Variants in GYPE observed in about 807,000 individuals in gnomAD.
The protein encoded by GYPE is glycophorin-E.
In GYPE, 8 loss-of-function variants were observed where a neutral mutation model predicts 11.6. The ratio of observed to expected loss-of-function variants is 0.69; its 90% CI spans 0.41 to 1.25. The LOEUF (loss-of-function observed/expected upper bound fraction) is 1.25, where lower values mean the gene tolerates loss of function less well. Ranked by LOEUF, GYPE falls within the 50% of genes most tolerant of loss-of-function variation. GYPE has a pLI of 0.01. For synonymous variants in GYPE, 28 were observed against 29.6 expected (o/e 0.94, Z 0.18); for missense variants, 90 against 92.8 (o/e 0.97, Z 0.12).
intron 2 of GYPE, chr4:143,878,616 T>A (rs1743899012): frequency 4.2e-6 from 2 of 472,196 alleles, no homozygotes; most frequent in South Asian, 3.1e-5. Context: ...ATGATTTTGA[T>A]TCTTTGTCAA....
chr4:143,902,589 TTTCC>T (rs934551496), intron 1 of GYPE, among the ~76,000 whole-genome samples: 9 of 152,084 alleles, frequency 5.9e-5, no homozygotes, highest in South Asian at 4.2e-4. Flanking sequence ...TCCTCTCTTC[TTTCC>T]TTCCTTTTTC....
At position 143,880,582 on chromosome 4, in the gene GYPE, G is replaced by A. The variant is rs994873980; in HGVS notation, c.38-73C>T. On this transcript the variant is annotated intron_variant, in intron 1 of 3. Coordinates refer to ENST00000358615, the MANE Select transcript of GYPE (RefSeq NM_198682.3). ...GCGGACCATAAAGCATATCACAAAA[G>A]ACAAATTCCCTCACATCCCTCCAGT... is the stretch of plus-strand genomic sequence containing the variant. The A allele has an allele frequency of 3.1e-6, 5 of 1,610,234 alleles. No individual in the cohort carries two copies. In the African/African-American group the frequency reaches 6.7e-5, roughly 22 times the overall value.
At chr4:143,881,477 T>G (rs1744021284) in intron 1 of GYPE, among the ~76,000 whole-genome samples, 2 of 152,100 alleles carry the variant, frequency 1.3e-5, no homozygotes, top group South Asian at 4.2e-4. Flanking sequence ...GGTTGAACAT[T>G]TGACACATTT....
chr4:143,890,640 T>C (rs1744369128), intron 1 of GYPE, among the ~76,000 whole-genome samples: 1 of 152,206 alleles, frequency 6.6e-6, no homozygotes, highest in Non-Finnish European at 1.5e-5. Flanking sequence ...GATTAATATA[T>C]GTAAACTTCA....
rs574121148 is a variant in GYPE, at chr4:143,871,306, G to A, written c.*956C>T. 3.9e-5 allele frequency: 6 copies of A among 152,110 alleles called. No individual in the cohort carries two copies. Among genetic ancestry groups the A allele is most frequent in the South Asian group, 2.1e-4 (1 of 4,802 alleles). 9.4% of individuals were successfully genotyped at this position (152,110 alleles called of 1,614,324 possible). A position where few individuals can be genotyped will look rare whatever the true frequency, so the allele number is the denominator to read the frequency against. On this transcript the variant is annotated 3_prime_UTR_variant, in exon 4 of 4. Coordinates refer to ENST00000358615, the MANE Select transcript of GYPE (RefSeq NM_198682.3). ...TAAATCCTGGTGTTTTTATGGTTAC[G>A]GGTGGCATATAATATACAGGTAAGC...
At chr4:143,878,671 C>T (rs573190197) in intron 2 of GYPE, 2 of 490,862 alleles carry the variant, frequency 4.1e-6, no homozygotes, top group African/African-American at 4.0e-5. Context: ...AAGTTGTCCC[C>T]TTTCTCCTAT....
intron 1 of GYPE, among the ~76,000 whole-genome samples, chr4:143,894,445 C>A (rs1324639803): frequency 6.6e-6 from 1 of 151,700 alleles, no homozygotes; most frequent in Non-Finnish European, 1.5e-5. Context: ...GTGGTTTTAT[C>A]TACTTTTGGT....
chr4:143,904,977 T>C (rs553458635), intron 1 of GYPE, among the ~76,000 whole-genome samples: 1 of 152,256 alleles, frequency 6.6e-6, no homozygotes, highest in African/African-American at 2.4e-5. Flanking sequence ...TCTTCCTATG[T>C]GACACTTTAG....
At chr4:143,898,316 G>T (rs1344434575) in intron 1 of GYPE, among the ~76,000 whole-genome samples, 1 of 152,180 alleles carries the variant, frequency 6.6e-6, no homozygotes, top group Non-Finnish European at 1.5e-5. Context: ...GGCAGAGGTT[G>T]CAGTGAGCTG....
intron 1 of GYPE, among the ~76,000 whole-genome samples, chr4:143,903,030 T>C (rs904520440): frequency 1.2e-4 from 18 of 151,870 alleles, no homozygotes; most frequent in Non-Finnish European, 2.5e-4. Flanking sequence ...CCCTCTGCCT[T>C]CTGTCCTCTT....
chr4:143,885,389 T>G (rs2323423), intron 1 of GYPE, among the ~76,000 whole-genome samples: 5 of 152,168 alleles, frequency 3.3e-5, no homozygotes, highest in South Asian at 2.1e-4. Context: ...CAAAACAATT[T>G]TAACACTCTA....
intron 2 of GYPE, among the ~76,000 whole-genome samples, chr4:143,879,496 A>C (rs1460917012): frequency 6.6e-6 from 1 of 152,106 alleles, no homozygotes; most frequent in African/African-American, 2.4e-5. Flanking sequence ...TTGGAGTAAA[A>C]CAGATGGGTT....
intron 1 of GYPE, among the ~76,000 whole-genome samples, chr4:143,882,252 T>C (rs1371285817): frequency 1.3e-5 from 2 of 151,580 alleles, no homozygotes; most frequent in African/African-American, 2.4e-5. Context: ...TAAGATAATA[T>C]AAAAACCAAT....
At chr4:143,902,220 A>G (rs4630996) in intron 1 of GYPE, among the ~76,000 whole-genome samples, 141,932 of 151,358 alleles carry the variant, frequency 0.94, 67,291 homozygotes, top group East Asian at 1. Flanking sequence ...ACACATAAGC[A>G]AAGACACAGG....
At chr4:143,882,524 G>T (rs1488573565) in intron 1 of GYPE, among the ~76,000 whole-genome samples, 1 of 152,096 alleles carries the variant, frequency 6.6e-6, no homozygotes, top group African/African-American at 2.4e-5. Flanking sequence ...AAAGTGTTAT[G>T]AAAATAGCTA....
intron 1 of GYPE, among the ~76,000 whole-genome samples, chr4:143,883,077 A>G (rs1744097916): frequency 6.6e-6 from 1 of 152,108 alleles, no homozygotes; most frequent in Admixed American, 6.5e-5. Context: ...TAATTGAATC[A>G]TGGGGCTGGT....
chr4:143,872,156 C>T lies in GYPE; in HGVS notation c.*106G>A, dbSNP rs1435971407. ...TCAACGTAAGCCAAGTTAGTAGCTACAGCCGTCAGGCACACAATTACACCA... is the reference window on the plus strand; with the variant it reads ...TCAACGTAAGCCAAGTTAGTAGCTATAGCCGTCAGGCACACAATTACACCA... On this transcript the variant is annotated 3_prime_UTR_variant, in exon 4 of 4. Transcript: ENST00000358615. The T allele has an allele frequency of 6.6e-6, 1 of 152,566 alleles. No individual in the cohort carries two copies. Among genetic ancestry groups the T allele is most frequent in the African/African-American group, 2.4e-5 (1 of 41,430 alleles). The allele number at this position is 152,566 out of a possible 1,614,324, so 9.5% of individuals were successfully genotyped here. A position where few individuals can be genotyped will look rare whatever the true frequency, so the allele number is the denominator to read the frequency against.
chr4:143,880,918 T>G (rs1265347755), intron 1 of GYPE, among the ~76,000 whole-genome samples: 1 of 125,050 alleles, frequency 8.0e-6, no homozygotes, highest in Admixed American at 8.0e-5. Flanking sequence ...TGGGTATTAT[T>G]GTTATTATGC....
chr4:143,879,996 G>A (rs1436592209), intron 2 of GYPE, among the ~76,000 whole-genome samples: 1 of 152,028 alleles, frequency 6.6e-6, no homozygotes, highest in Non-Finnish European at 1.5e-5. Flanking sequence ...CTGTGTTATT[G>A]GCCCCATTTT....
Sources: gnomAD v4.1 joint callset for allele counts (sites outside exome capture counted in the v4.1 genomes callset) on GRCh38, gnomAD v4.1.1 for gene constraint, MANE v1.5 for transcripts, NCBI Gene and HGNC (gene_info 2026-07-23, HGNC 2026-07-21) for gene names.